RTTN: variants seen among roughly 807,000 people sequenced by gnomAD.
RTTN encodes rotatin.
A neutral mutation model predicts 269.2 loss-of-function variants in RTTN; 182 were observed. That is an observed-to-expected ratio of 0.68 (90% CI 0.60 to 0.76). The LOEUF (loss-of-function observed/expected upper bound fraction) is 0.76. Among genes scored for constraint, RTTN ranks in the 30% least tolerant of loss-of-function variants. The pLI is 0.00. For missense variants in RTTN, 2,545 were observed against 2,608.6 expected, an observed-to-expected ratio of 0.98 and a Z score of 0.53; for synonymous variants, 1,006 against 963.5, an observed-to-expected ratio of 1.04 and a Z score of -0.82.
intron 43 of RTTN, among the ~76,000 whole-genome samples, chr18:70,025,406 A>C (rs2056825618): frequency 1.3e-5 from 2 of 152,226 alleles, no homozygotes; most frequent in Non-Finnish European, 2.9e-5. Flanking sequence ...ACCCTGGGAC[A>C]ATATTGCAGA....
intron 47 of RTTN, chr18:70,006,068 C>G (rs1599067113): frequency 4.6e-6 from 1 of 217,928 alleles, no homozygotes; most frequent in East Asian, 1.0e-4. Flanking sequence ...TGTGTTTTCC[C>G]TTGATACGTC....
chr18:70,052,392 C>T (rs537307420), intron 38 of RTTN, among the ~76,000 whole-genome samples: 3 of 152,212 alleles, frequency 2.0e-5, no homozygotes, highest in African/African-American at 7.2e-5. Context: ...AAAATGTTTC[C>T]TCATTGCCAT....
rs12604751 is a variant in RTTN, at chr18:70,150,810, C to T, written c.1930-77G>A. The T allele has an allele frequency of 1, 1,183,043 of 1,184,890 alleles. 590,611 individuals are homozygous for T. The highest frequency in any genetic ancestry group is 1 in the East Asian group (40,046 of 40,046). 73.4% of individuals were successfully genotyped at this position (1,184,890 alleles called of 1,614,324 possible). A position where few individuals can be genotyped will look rare whatever the true frequency, so the allele number is the denominator to read the frequency against. ...AAAAGATCCATCTTTCTTCTGTTTACAATCCCATTTCTATTTTAGTTTTTA... is the reference window on the plus strand; with the variant it reads ...AAAAGATCCATCTTTCTTCTGTTTATAATCCCATTTCTATTTTAGTTTTTA... On this transcript the variant is annotated intron_variant, in intron 14 of 48. Coordinates refer to ENST00000640769, the MANE Select transcript of RTTN (RefSeq NM_173630.4).
intron 23 of RTTN, chr18:70,131,525 A>C (rs1441073269): frequency 3.3e-5 from 5 of 151,732 alleles, no homozygotes; most frequent in Admixed American, 3.3e-4. Context: ...ATCTGTATAA[A>C]ATATATAGAA....
intron 35 of RTTN, chr18:70,061,471 A>G: frequency 2.2e-6 from 1 of 455,442 alleles, no homozygotes; most frequent in Non-Finnish European, 4.4e-6. Context: ...TTAGAGTGTC[A>G]TTGTTTCTAA....
At chr18:70,098,839 T>A (rs2059075859) in intron 28 of RTTN, among the ~76,000 whole-genome samples, 1 of 152,172 alleles carries the variant, frequency 6.6e-6, no homozygotes, top group Non-Finnish European at 1.5e-5. Flanking sequence ...TTCCCTACCC[T>A]GTTTCCAAGT....
intron 18 of RTTN, among the ~76,000 whole-genome samples, chr18:70,143,136 C>T (rs1435089878): frequency 1.3e-5 from 2 of 152,124 alleles, no homozygotes; most frequent in Admixed American, 6.5e-5. Flanking sequence ...TTCCATATGC[C>T]TTTTGGCCAC....
intron 40 of RTTN, among the ~76,000 whole-genome samples, chr18:70,046,290 C>T (rs1333665182): frequency 6.6e-6 from 1 of 152,160 alleles, no homozygotes; most frequent in African/African-American, 2.4e-5. Flanking sequence ...GCTCCCACAC[C>T]TATTGCCATT....
chr18:70,044,498 G>A (rs779532609), intron 40 of RTTN, among the ~76,000 whole-genome samples: 2 of 152,120 alleles, frequency 1.3e-5, no homozygotes, highest in East Asian at 1.9e-4. Flanking sequence ...AACACCCCCA[G>A]TGGATACCTA....
intron 9 of RTTN, among the ~76,000 whole-genome samples, chr18:70,189,662 C>A (rs1013228988): frequency 2.0e-5 from 3 of 152,122 alleles, no homozygotes; most frequent in Non-Finnish European, 4.4e-5. Flanking sequence ...GTTTCTAAAC[C>A]ACTCAAAAAC....
chr18:70,192,723 T>C (rs1159277865), intron 8 of RTTN, among the ~76,000 whole-genome samples: 2 of 147,196 alleles, frequency 1.4e-5, no homozygotes, highest in African/African-American at 5.1e-5. Context: ...ACAAATACCA[T>C]AAATTGTTCA....
intron 3 of RTTN, among the ~76,000 whole-genome samples, chr18:70,203,431 C>T (rs1042920306): frequency 2.6e-5 from 4 of 152,306 alleles, no homozygotes; most frequent in Non-Finnish European, 4.4e-5. Flanking sequence ...TCTTGAACTT[C>T]TGACCACCTG....
chr18:70,157,701 T>C (rs186087329), intron 14 of RTTN, among the ~76,000 whole-genome samples: 51 of 152,142 alleles, frequency 3.4e-4, no homozygotes, highest in Non-Finnish European at 5.9e-4. Context: ...GCCCCACCCA[T>C]GGAAACCAGT....
At chr18:70,066,799 G>A (rs1470904851) in intron 34 of RTTN, among the ~76,000 whole-genome samples, 2 of 152,102 alleles carry the variant, frequency 1.3e-5, no homozygotes, top group East Asian at 3.9e-4. Context: ...AACACTTAGA[G>A]TACCTTAGAA....
intron 4 of RTTN, among the ~76,000 whole-genome samples, chr18:70,200,747 T>C (rs1345210616): frequency 6.6e-6 from 1 of 152,234 alleles, no homozygotes; most frequent in Non-Finnish European, 1.5e-5. Flanking sequence ...AAGAAAATGG[T>C]AAGTACGTGA....
chr18:70,029,266 T>A (rs1256812743), intron 42 of RTTN, among the ~76,000 whole-genome samples: 2 of 152,032 alleles, frequency 1.3e-5, no homozygotes, highest in African/African-American at 4.8e-5. Context: ...CAGTAGAAAC[T>A]AGTTATTACA....
chr18:70,029,245 T>G (rs1345493348), intron 42 of RTTN, among the ~76,000 whole-genome samples: 1 of 152,012 alleles, frequency 6.6e-6, no homozygotes, highest in Non-Finnish European at 1.5e-5. Context: ...TTTGTCTTGG[T>G]TTCTTAAATG....
At position 70,092,746 on chromosome 18, in the gene RTTN, C is replaced by T. The variant is rs781723384; in HGVS notation, c.3962G>A (p.Gly1321Asp). The change falls in exon 29 of 49, where the codon GGT (glycine) becomes GAT (aspartate). Residue 1321 changes from glycine (G) to aspartate (D), a missense_variant. Transcript: ENST00000640769. ...GCAAAGAATTGTGCTCTTTGTAACA[C>T]CTTTTCCCATGAAGGACATAGCATT... ...GGNAMSFMGKGVTKSTILCLL... is the reference protein window; with the variant it reads ...GGNAMSFMGKDVTKSTILCLL... 4.3e-6 allele frequency: 7 copies of T among 1,613,608 alleles called. No individual in the cohort carries two copies. In the Admixed American group the frequency reaches 1.2e-4, roughly 27 times the overall value.
At position 70,092,241 on chromosome 18, in the gene RTTN, C is replaced by A. The variant is rs929083334; in HGVS notation, c.4033-21G>T. The stretch of plus-strand genomic sequence containing the variant: ...CACTCCTAGAGGGAAAAAAGGGAAA[C>A]AGAAATATTTGAGGTAAGTTTCTAA... On this transcript the variant is annotated intron_variant, in intron 29 of 48. Transcript: ENST00000640769. 1.5e-5 allele frequency: 22 copies of A among 1,432,076 alleles called. No homozygotes were observed. In the African/African-American group the frequency reaches 2.5e-4, roughly 16 times the overall value. The allele number at this position is 1,432,076 out of a possible 1,614,324, so 88.7% of individuals were successfully genotyped here.
Sources: gnomAD v4.1 joint callset for allele counts (sites outside exome capture counted in the v4.1 genomes callset) on GRCh38, gnomAD v4.1.1 for gene constraint, MANE v1.5 for transcripts, NCBI Gene and HGNC (gene_info 2026-07-23, HGNC 2026-07-21) for gene names.